HMGB1: variants seen among roughly 807,000 people sequenced by gnomAD.
HMGB1 encodes the protein high mobility group box 1.
For missense variants in HMGB1, 79 were observed against 253.5 expected (o/e 0.31, Z 4.67); for synonymous variants, 81 against 84.0 (o/e 0.96, Z 0.19).
chr13:30,489,018 A>G (rs1334961787), intron 1 of HMGB1, among the ~76,000 whole-genome samples: 5 of 152,218 alleles, frequency 3.3e-5, no homozygotes, highest in Non-Finnish European at 1.5e-5. Context: ...GCAAGCATTC[A>G]GAAACACAAA....
In HMGB1 at chr13:30,490,829, T is replaced by C. The variant is rs190969079; in HGVS notation, c.-14-27135A>G. 1.4e-3 allele frequency among the ~76,000 whole-genome samples: 208 copies of C among 152,008 alleles called. 1 individual carries two copies. Among genetic ancestry groups the C allele is most frequent in the Non-Finnish European group, 2.0e-3 (138 of 67,972 alleles). ...GATATGCAAACTTGATGTTGGTAGG[T>C]AGGCTTTCCTGAAGACGTGCTTTTC... On this transcript the variant is annotated intron_variant, in intron 1 of 4. Transcript: ENST00000405805.
intron 1 of HMGB1, among the ~76,000 whole-genome samples, chr13:30,538,965 C>T (rs929190736): frequency 3.3e-5 from 5 of 152,032 alleles, no homozygotes; most frequent in South Asian, 2.1e-4. Context: ...GGCACGATCT[C>T]GGCTCACTGC....
chr13:30,477,326 A>G (rs1279908497), intron 1 of HMGB1, among the ~76,000 whole-genome samples: 1 of 152,088 alleles, frequency 6.6e-6, no homozygotes, highest in Admixed American at 6.6e-5. Flanking sequence ...CAATCCATCC[A>G]TAGGCCCTGC....
chr13:30,457,607 G>A lies in HMGB1; in HGVS notation c.*3750C>T, dbSNP rs1459260581. On this transcript the variant is annotated 3_prime_UTR_variant, in exon 5 of 5. Coordinates refer to ENST00000341423, the MANE Select transcript of HMGB1 (RefSeq NM_002128.7). The stretch of plus-strand genomic sequence containing the variant: ...TTAGAAGGTCCAAACCAATGCACAT[G>A]TCTAAAGTCATCTAGCATTTCTTCC... The A allele has an allele frequency of 6.6e-6, 1 of 152,182 alleles. No individual in the cohort carries two copies. The highest frequency in any genetic ancestry group is 2.4e-5 in the African/African-American group (1 of 41,418). 9.4% of individuals were successfully genotyped at this position (152,182 alleles called of 1,614,324 possible).
chr13:30,573,663 T>C (rs1870527039), intron 1 of HMGB1, among the ~76,000 whole-genome samples: 1 of 151,850 alleles, frequency 6.6e-6, no homozygotes, highest in African/African-American at 2.4e-5. Context: ...TTTTTTTTTT[T>C]TTTTGGAGAA....
At chr13:30,524,234 T>G (rs1888309173) in intron 1 of HMGB1, among the ~76,000 whole-genome samples, 1 of 150,966 alleles carries the variant, frequency 6.6e-6, no homozygotes. Context: ...AAATACCTAA[T>G]GTAGATGATG....
intron 1 of HMGB1, among the ~76,000 whole-genome samples, chr13:30,525,663 A>G (rs1460862583): frequency 6.6e-6 from 1 of 152,196 alleles, no homozygotes; most frequent in African/African-American, 2.4e-5. Context: ...CTTATAAAAC[A>G]AGTTGTATTT....
rs777267698 is a variant in HMGB1 at position 30,461,363 on chromosome 13, A to G, written c.642T>C (p.Asp214=). The change falls in exon 5 of 5, where the codon GAT becomes GAC. Residue 214 remains aspartate (D), a synonymous_variant. Coordinates refer to ENST00000341423, the MANE Select transcript of HMGB1 (RefSeq NM_002128.7). ...AAACTGCGCTAGAACCAACTTATTC[A>G]TCATCATCATCTTCTTCTTCATCTT... ...EDEDEEEDDD[D]E 2.6e-6 allele frequency: 4 copies of G among 1,549,316 alleles called. No individual in the cohort carries two copies. In the South Asian group the frequency reaches 3.7e-5, roughly 14 times the overall value.
chr13:30,461,668 C>T, intron 4 of HMGB1, 135 bp from the exon 5 acceptor site: 1 of 1,587,702 alleles, frequency 6.3e-7, no homozygotes, highest in African/African-American at 1.3e-5. Context: ...AGATCCACAG[C>T]AACTCCAGAA....
At chr13:30,522,043 G>A (rs1381018674) in intron 1 of HMGB1, among the ~76,000 whole-genome samples, 2 of 151,272 alleles carry the variant, frequency 1.3e-5, no homozygotes, top group Non-Finnish European at 2.9e-5. Context: ...CAAACATTAA[G>A]AGTAATTCAC....
chr13:30,554,516 T>A (rs1305783511), intron 1 of HMGB1: 13 of 961,046 alleles, frequency 1.4e-5, no homozygotes, highest in Non-Finnish European at 2.2e-5. Flanking sequence ...AAAGGTAGAT[T>A]CTAGTATACA....
chr13:30,594,666 T>C (rs1247343405), intron 1 of HMGB1, among the ~76,000 whole-genome samples: 1 of 152,240 alleles, frequency 6.6e-6, no homozygotes. Flanking sequence ...TGTTTGCTAT[T>C]GTGAACGGTG....
intron 1 of HMGB1, among the ~76,000 whole-genome samples, chr13:30,508,033 TA>T (rs113660061): frequency 0.095 from 14,480 of 151,954 alleles, 980 homozygotes; most frequent in East Asian, 0.18. Flanking sequence ...GCCAGAAAAT[TA>T]AATGGAGTGG....
intron 1 of HMGB1, among the ~76,000 whole-genome samples, chr13:30,615,172 A>G (rs1413390052): frequency 6.6e-6 from 1 of 152,220 alleles, no homozygotes; most frequent in African/African-American, 2.4e-5. Flanking sequence ...GCATGATATG[A>G]CAGACACACA....
At chr13:30,593,049 G>A (rs1300222531) in intron 1 of HMGB1, among the ~76,000 whole-genome samples, 1 of 152,158 alleles carries the variant, frequency 6.6e-6, no homozygotes, top group Non-Finnish European at 1.5e-5. Context: ...ACTTACAAGT[G>A]AGAAACTATT....
chr13:30,485,112 A>G (rs540069454), intron 1 of HMGB1, among the ~76,000 whole-genome samples: 2 of 150,626 alleles, frequency 1.3e-5, no homozygotes, highest in African/African-American at 2.4e-5. Context: ...GCTTACTGCA[A>G]TCCCCACCTC....
intron 1 of HMGB1, among the ~76,000 whole-genome samples, chr13:30,534,513 T>G (rs1005015689): frequency 3.9e-5 from 6 of 152,192 alleles, no homozygotes; most frequent in Non-Finnish European, 1.5e-5. Context: ...TTTTTAAATA[T>G]TCTTGTCATT....
intron 1 of HMGB1, among the ~76,000 whole-genome samples, chr13:30,593,642 A>G (rs769875303): frequency 5.9e-5 from 9 of 152,246 alleles, no homozygotes; most frequent in Admixed American, 1.3e-4. Context: ...TTTGGCTTCT[A>G]ATAATTATTT....
At position 30,538,568 on chromosome 13, in the gene HMGB1, TTTTC is replaced by T. The variant is rs138089091; in HGVS notation, c.-14-74878_-14-74875del. Reference sequence around the variant, plus strand: ...TTCTTTCTTTCTTTTTCTTTCTTCTTTTTCTTTCTTTCTTTCTTTTTCTTTCTTC... The same window carrying T: ...TTCTTTCTTTCTTTTTCTTTCTTCTTTTTCTTTCTTTCTTTTTCTTTCTTC... On this transcript the variant is annotated intron_variant, in intron 1 of 4. Coordinates refer to the HMGB1 transcript ENST00000405805. Among the ~76,000 whole-genome samples, 827 of 86,032 alleles carry T rather than the reference TTTTC, an allele frequency of 9.6e-3. 68 individuals are homozygous for T. Among genetic ancestry groups the T allele is most frequent in the African/African-American group, 0.076 (720 of 9,488 alleles). 56.4% of individuals were successfully genotyped at this position (86,032 alleles called of 152,430 possible). A position where few individuals can be genotyped will look rare whatever the true frequency, so the allele number is the denominator to read the frequency against.
Sources: gnomAD v4.1 joint callset for allele counts (sites outside exome capture counted in the v4.1 genomes callset) on GRCh38, gnomAD v4.1.1 for gene constraint, MANE v1.5 for transcripts, NCBI Gene and HGNC (gene_info 2026-07-23, HGNC 2026-07-21) for gene names.